Variants in FAM178B observed in about 807,000 individuals in gnomAD.
FAM178B encodes family with sequence similarity 178 member B, also known as protein FAM178B.
In FAM178B, 82 loss-of-function variants were observed where a neutral mutation model predicts 91.7. The ratio of observed to expected loss-of-function variants is 0.89; its 90% CI spans 0.75 to 1.07. The LOEUF is 1.07. Ranked by LOEUF, FAM178B falls within the 50% of genes least tolerant of loss-of-function variation. The pLI, the probability that FAM178B is intolerant of heterozygous loss-of-function variation, is 0.00. For missense variants in FAM178B, 769 were observed against 846.7 expected (o/e 0.91, Z 1.14); for synonymous variants, 368 against 359.4 (o/e 1.02, Z -0.27).
At chr2:96,953,610 G>C (rs919747949) in intron 6 of FAM178B, among the ~76,000 whole-genome samples, 1 of 152,226 alleles carries the variant, frequency 6.6e-6, no homozygotes, top group Non-Finnish European at 1.5e-5. Flanking sequence ...CATTGCTGCT[G>C]AGAAAATTTT....
rs375247427 is a variant in FAM178B at position 96,970,501 on chromosome 2, G to T, written c.626+215C>A. On this transcript the variant is annotated intron_variant, in intron 4 of 16. Transcript: ENST00000490605. ...CCAAGGTGGAGAGGGGACCCAGAAG[G>T]AGGGCTCTGTTCGTGGTGGGAGTCT... Among the ~76,000 whole-genome samples, 29 of 152,310 alleles carry T rather than the reference G, an allele frequency of 1.9e-4. No homozygotes were observed. The East Asian group carries it at 3.7e-3, about 19-fold the overall frequency.
chr2:96,927,144 T>A (rs908023083), intron 9 of FAM178B, among the ~76,000 whole-genome samples: 1 of 152,142 alleles, frequency 6.6e-6, no homozygotes, highest in Non-Finnish European at 1.5e-5. Flanking sequence ...TGCTGGAACC[T>A]CCTTGATGCT....
At chr2:96,881,383 G>A (rs148007861) in intron 14 of FAM178B, among the ~76,000 whole-genome samples, 1,573 of 152,160 alleles carry the variant, frequency 0.01, 23 homozygotes, top group African/African-American at 0.035. Context: ...TATCAGGGCC[G>A]TCACTGAGGA....
chr2:96,949,851 CG>C, intron 7 of FAM178B: 2 of 392,160 alleles, frequency 5.1e-6, no homozygotes, highest in Non-Finnish European at 7.0e-6. Flanking sequence ...AGGCAGCTCA[CG>C]GATGTCCCAC....
At chr2:96,965,445 GCAGT>G (rs1350398481) in intron 5 of FAM178B, among the ~76,000 whole-genome samples, 2 of 151,502 alleles carry the variant, frequency 1.3e-5, no homozygotes, top group Admixed American at 6.6e-5. Context: ...AGCATGTAGC[GCAGT>G]CAATCAGTCT....
intron 1 of FAM178B, among the ~76,000 whole-genome samples, chr2:96,982,185 ATTC>A (rs1196139050): frequency 6.6e-6 from 1 of 152,184 alleles, no homozygotes; most frequent in Non-Finnish European, 1.5e-5. Flanking sequence ...CACAAGAAAC[ATTC>A]TTCACTTTTT....
chr2:96,950,394 C>T (rs1454057533), intron 7 of FAM178B, among the ~76,000 whole-genome samples: 6 of 152,164 alleles, frequency 3.9e-5, no homozygotes, highest in Admixed American at 2.0e-4. Context: ...CTTCCTCCTC[C>T]GGGGTAAGGA....
At chr2:96,963,792 G>C (rs2082111913) in intron 5 of FAM178B, among the ~76,000 whole-genome samples, 2 of 152,220 alleles carry the variant, frequency 1.3e-5, no homozygotes, top group South Asian at 4.1e-4. Flanking sequence ...CAGCAGAGTT[G>C]ACAGAGACCA....
chr2:96,951,791 G>T, intron 6 of FAM178B: 1 of 267,676 alleles, frequency 3.7e-6, no homozygotes. Context: ...GGGAGGCAAA[G>T]GCGGGTAGAT....
chr2:96,881,893 G>C (rs1402910504), intron 14 of FAM178B, among the ~76,000 whole-genome samples: 2 of 152,142 alleles, frequency 1.3e-5, no homozygotes, highest in Admixed American at 6.5e-5. Context: ...ACTGCCTGGA[G>C]GCTGGGTGGC....
chr2:96,968,304 G>A (rs1217716134), intron 4 of FAM178B, among the ~76,000 whole-genome samples: 1 of 151,878 alleles, frequency 6.6e-6, no homozygotes, highest in Non-Finnish European at 1.5e-5. Context: ...ACCAGCCCCT[G>A]CGCGCCTCAC....
At chr2:96,891,016 C>T (rs889700578) in intron 14 of FAM178B, among the ~76,000 whole-genome samples, 2 of 152,206 alleles carry the variant, frequency 1.3e-5, no homozygotes, top group Non-Finnish European at 2.9e-5. Context: ...ATGCTAAAAA[C>T]GTTATCAGCT....
intron 1 of FAM178B, among the ~76,000 whole-genome samples, chr2:96,982,986 C>T (rs763363118): frequency 6.6e-5 from 10 of 151,926 alleles, no homozygotes; most frequent in East Asian, 1.9e-4. Flanking sequence ...CGAAGCAATC[C>T]GCCTGCCTCA....
At chr2:96,921,137 G>T in intron 12 of FAM178B, 28 bp downstream of exon 12, 2 of 1,532,480 alleles carry the variant, frequency 1.3e-6, no homozygotes, top group Non-Finnish European at 1.8e-6. Flanking sequence ...GTGTGAGAGG[G>T]AGGAGGCAGC....
At chr2:96,978,974 CTT>C (rs559416706) in intron 1 of FAM178B, among the ~76,000 whole-genome samples, 1,105 of 56,788 alleles carry the variant, frequency 0.019, 8 homozygotes, top group African/African-American at 0.039. Context: ...GTATGTATCA[CTT>C]TTTTTTTTTT....
chr2:96,976,591 T>C (rs915308301), intron 1 of FAM178B, among the ~76,000 whole-genome samples: 12 of 151,910 alleles, frequency 7.9e-5, no homozygotes, highest in African/African-American at 2.9e-4. Context: ...ACGCCTGTAA[T>C]CTCAGTACTT....
intron 8 of FAM178B, among the ~76,000 whole-genome samples, chr2:96,945,560 G>A (rs905210807): frequency 4.0e-5 from 6 of 151,824 alleles, no homozygotes; most frequent in South Asian, 2.1e-4. Flanking sequence ...ACGTGCGCGC[G>A]CACACACAAA....
At chr2:96,981,763 G>A (rs11688903) in intron 1 of FAM178B, among the ~76,000 whole-genome samples, 77,598 of 124,574 alleles carry the variant, frequency 0.62, 25,963 homozygotes, top group Non-Finnish European at 0.78. Flanking sequence ...AAAAAAAAAA[G>A]AAAGAAAGAA....
intron 5 of FAM178B, 84 bp from the exon 6 acceptor site, chr2:96,960,524 A>G: frequency 7.0e-7 from 1 of 1,426,474 alleles, no homozygotes; most frequent in East Asian, 2.6e-5. Flanking sequence ...GGAAGGATAG[A>G]GGGGGGCCAC....
Sources: allele counts gnomAD v4.1 joint callset (sites outside exome capture counted in the v4.1 genomes callset), GRCh38; gene constraint gnomAD v4.1.1; transcripts MANE v1.5; gene names NCBI Gene and HGNC (gene_info 2026-07-23, HGNC 2026-07-21).